KCNMA1: variants seen among roughly 807,000 people sequenced by gnomAD.
KCNMA1 encodes the protein Calcium-activated potassium channel subunit alpha-1.
KCNMA1 carries 29 observed loss-of-function variants against 140.0 expected under a neutral mutation model. The ratio of observed to expected loss-of-function variants is 0.21; its 90% CI spans 0.15 to 0.28. The LOEUF (loss-of-function observed/expected upper bound fraction) is 0.28. Ranked by LOEUF, KCNMA1 falls within the 10% of genes least tolerant of loss-of-function variation. The pLI is 1.00. For missense variants in KCNMA1, 880 were observed against 1,602.2 expected (o/e 0.55, Z 7.70); for synonymous variants, 612 against 611.9 (o/e 1.00, Z 0.00).
chr10:77,403,950 G>A lies in KCNMA1; in HGVS notation c.452C>T (p.Ala151Val). ...CATCCAGCCGACCTCGGCGGCCACT[G>A]CCTCCTCTTTTTCATCCACTGGTTT... ...TLKPVDEKEE[A>V]VAAEVGWMTS... The change falls in exon 2 of 28, where the codon GCA (alanine) becomes GTA (valine). Residue 151 changes from alanine (A) to valine (V), a missense_variant. Transcript: ENST00000286628. The A allele has an allele frequency of 6.2e-7, 1 of 1,614,122 alleles. No individual in the cohort carries two copies. Among genetic ancestry groups the A allele is most frequent in the East Asian group, 2.2e-5 (1 of 44,860 alleles).
intron 1 of KCNMA1, chr10:77,498,942 C>T (rs935621455): frequency 1.3e-5 from 2 of 152,212 alleles, no homozygotes. Context: ...CCAGATGAGG[C>T]TGAGTAGGGC....
At chr10:77,064,466 C>T (rs937011427) in intron 14 of KCNMA1, among the ~76,000 whole-genome samples, 1 of 152,154 alleles carries the variant, frequency 6.6e-6, no homozygotes, top group African/African-American at 2.4e-5. Flanking sequence ...TTCTAACATG[C>T]TGTATGGGCT....
intron 3 of KCNMA1, among the ~76,000 whole-genome samples, chr10:77,222,919 C>A: frequency 6.6e-6 from 1 of 152,166 alleles, no homozygotes; most frequent in East Asian, 1.9e-4. Flanking sequence ...TATATCATTT[C>A]TCTTTGGCTA....
intron 23 of KCNMA1, among the ~76,000 whole-genome samples, chr10:76,931,444 ACAAGACCC>A (rs1358930466): frequency 6.6e-6 from 1 of 151,912 alleles, no homozygotes; most frequent in Non-Finnish European, 1.5e-5. Flanking sequence ...AGGGGTAGGT[ACAAGACCC>A]CTTTCCCAGT....
At chr10:77,130,048 A>G (rs2097825644) in intron 5 of KCNMA1, among the ~76,000 whole-genome samples, 1 of 152,190 alleles carries the variant, frequency 6.6e-6, no homozygotes, top group African/African-American at 2.4e-5. Flanking sequence ...ATACAAAACG[A>G]GATCTAAAGC....
At chr10:77,003,171 C>A (rs1009859797) in intron 18 of KCNMA1, among the ~76,000 whole-genome samples, 1 of 152,184 alleles carries the variant, frequency 6.6e-6, no homozygotes, top group Non-Finnish European at 1.5e-5. Flanking sequence ...TCAGCAGCAA[C>A]TCCATTCTTG....
Position 77,625,567 on chromosome 10 carries a change from A to C in KCNMA1, c.378+11698T>G, listed in dbSNP as rs144672168. Among the ~76,000 whole-genome samples the C allele has an allele frequency of 6.0e-3, 914 of 152,188 alleles. 40 individuals carry two copies. Among genetic ancestry groups the C allele is most frequent in the Admixed American group, 0.055 (848 of 15,282 alleles). On this transcript the variant is annotated intron_variant, in intron 1 of 27. Transcript: ENST00000286628. Reference sequence around the variant, plus strand: ...TACCCTTCTACTTTCTGTTTCTATGAGTTTGGCAACTCTATGTACCTCATG... The same window carrying C: ...TACCCTTCTACTTTCTGTTTCTATGCGTTTGGCAACTCTATGTACCTCATG...
intron 3 of KCNMA1, among the ~76,000 whole-genome samples, chr10:77,238,997 T>A (rs2154220292): frequency 6.6e-6 from 1 of 152,278 alleles, no homozygotes; most frequent in Middle Eastern, 3.4e-3. Context: ...CATAAGCACA[T>A]GCATGCACAC....
At chr10:77,584,423 C>T (rs1479203166) in intron 1 of KCNMA1, among the ~76,000 whole-genome samples, 1 of 152,182 alleles carries the variant, frequency 6.6e-6, no homozygotes, top group Non-Finnish European at 1.5e-5. Context: ...GGCGCAATCT[C>T]GGCTCACTGC....
intron 10 of KCNMA1, among the ~76,000 whole-genome samples, chr10:77,087,697 A>C (rs1393841761): frequency 3.9e-5 from 6 of 152,230 alleles, no homozygotes; most frequent in Admixed American, 3.9e-4. Flanking sequence ...GGATTAAACA[A>C]GTGACCTATT....
chr10:76,943,868 A>G (rs2063236990), intron 23 of KCNMA1, among the ~76,000 whole-genome samples: 2 of 152,196 alleles, frequency 1.3e-5, no homozygotes, highest in African/African-American at 4.8e-5. Flanking sequence ...CAAGCTATCA[A>G]TAAGGTGATG....
At chr10:76,877,894 C>G in intron 29 of KCNMA1, 1 of 1,608,058 alleles carries the variant, frequency 6.2e-7, no homozygotes, top group South Asian at 1.1e-5. Flanking sequence ...TTCTTTTCTG[C>G]TAAAGGGCAA....
chr10:77,523,415 A>G (rs1404965550), intron 1 of KCNMA1, among the ~76,000 whole-genome samples: 3 of 152,214 alleles, frequency 2.0e-5, no homozygotes, highest in Non-Finnish European at 4.4e-5. Context: ...AGGTATAAAA[A>G]CACACAGAAA....
At chr10:77,163,406 G>C (rs2098594410) in intron 5 of KCNMA1, among the ~76,000 whole-genome samples, 1 of 152,154 alleles carries the variant, frequency 6.6e-6, no homozygotes, top group African/African-American at 2.4e-5. Flanking sequence ...TGACTATCAG[G>C]CCCTTTATGG....
intron 1 of KCNMA1, among the ~76,000 whole-genome samples, chr10:77,607,914 C>T (rs150835685): frequency 5.9e-5 from 9 of 152,280 alleles, no homozygotes; most frequent in Middle Eastern, 3.4e-3. Context: ...CTCAACACTG[C>T]TAGCCATTAG....
intron 3 of KCNMA1, among the ~76,000 whole-genome samples, chr10:77,237,589 C>T (rs1205783757): frequency 6.6e-6 from 1 of 152,140 alleles, no homozygotes; most frequent in Non-Finnish European, 1.5e-5. Flanking sequence ...TCTTGAGTAG[C>T]TGAGACTATA....
chr10:77,047,738 T>G (rs2095153877), intron 14 of KCNMA1, among the ~76,000 whole-genome samples: 1 of 152,174 alleles, frequency 6.6e-6, no homozygotes, highest in Non-Finnish European at 1.5e-5. Context: ...TTTGCAACCT[T>G]GCTAATAGTA....
chr10:77,145,459 C>T (rs1416971879), intron 5 of KCNMA1, among the ~76,000 whole-genome samples: 1 of 152,152 alleles, frequency 6.6e-6, no homozygotes, highest in Non-Finnish European at 1.5e-5. Flanking sequence ...CCTCATTTTG[C>T]ACTCCTCCCA....
intron 14 of KCNMA1, among the ~76,000 whole-genome samples, chr10:77,046,219 G>A (rs1441597978): frequency 6.6e-6 from 1 of 152,118 alleles, no homozygotes; most frequent in East Asian, 1.9e-4. Flanking sequence ...AATCTTAGAA[G>A]TGCTTAATAA....
Sources: allele counts gnomAD v4.1 joint callset (sites outside exome capture counted in the v4.1 genomes callset), GRCh38; gene constraint gnomAD v4.1.1; transcripts MANE v1.5; gene names NCBI Gene and HGNC (gene_info 2026-07-23, HGNC 2026-07-21).